Variants in SLC12A1 observed in about 807,000 individuals in gnomAD.
SLC12A1 encodes solute carrier family 12 member 1.
In SLC12A1, 89 loss-of-function variants were observed where a neutral mutation model predicts 130.4. The observed-to-expected ratio is 0.68, with a 90% CI of 0.58 to 0.81. The LOEUF is 0.81. Ranked by LOEUF, SLC12A1 falls within the 40% of genes least tolerant of loss-of-function variation. The pLI is 0.00. For synonymous variants in SLC12A1, 499 were observed against 460.0 expected (o/e 1.08, Z -1.09); for missense variants, 1,310 against 1,336.4 (o/e 0.98, Z 0.31).
chr15:48,227,936 A>C (rs2041313406), intron 5 of SLC12A1: 2 of 152,268 alleles, frequency 1.3e-5, no homozygotes, highest in Admixed American at 1.3e-4. Context: ...ATCTGTATAA[A>C]GGAAATAATG....
chr15:48,220,529 G>T, intron 2 of SLC12A1, 105 bp from the exon 3 acceptor site: 1 of 1,110,946 alleles, frequency 9.0e-7, no homozygotes, highest in Non-Finnish European at 1.2e-6. Flanking sequence ...GGGGTTTTTT[G>T]GTATTTTAAG....
At chr15:48,297,612 C>T (rs1034479964) in intron 24 of SLC12A1, among the ~76,000 whole-genome samples, 2 of 152,178 alleles carry the variant, frequency 1.3e-5, no homozygotes, top group African/African-American at 2.4e-5. Context: ...AATAAGTATA[C>T]GAAGAGCTTA....
intron 4 of SLC12A1, chr15:48,224,591 C>A (rs1338840748): frequency 6.6e-6 from 1 of 152,132 alleles, no homozygotes; most frequent in Non-Finnish European, 1.5e-5. Flanking sequence ...AGCTTGTCAG[C>A]AAAGCTTGTT....
At chr15:48,235,089 C>G (rs951077732) in intron 9 of SLC12A1, 85 bp downstream of exon 9, 1 of 1,318,090 alleles carries the variant, frequency 7.6e-7, no homozygotes, top group African/African-American at 1.4e-5. Context: ...TTAGATGTGA[C>G]CATATTACCC....
chr15:48,268,299 A>G (rs1368749443), intron 18 of SLC12A1, among the ~76,000 whole-genome samples: 1 of 152,128 alleles, frequency 6.6e-6, no homozygotes, highest in African/African-American at 2.4e-5. Context: ...AAGTACATAA[A>G]ATCTTTTCCT....
At chr15:48,239,036 A>G (rs1218591775) in intron 9 of SLC12A1, among the ~76,000 whole-genome samples, 2 of 152,242 alleles carry the variant, frequency 1.3e-5, no homozygotes, top group Non-Finnish European at 2.9e-5. Context: ...ATGTCTAATG[A>G]AAAAAGGTAA....
intron 23 of SLC12A1, among the ~76,000 whole-genome samples, chr15:48,289,149 A>G (rs1190795276): frequency 1.3e-5 from 2 of 151,494 alleles, no homozygotes; most frequent in Non-Finnish European, 2.9e-5. Flanking sequence ...TAATTTAGCC[A>G]TTGAGAGTTG....
intron 15 of SLC12A1, among the ~76,000 whole-genome samples, chr15:48,255,548 C>T (rs2041697640): frequency 6.6e-6 from 1 of 152,226 alleles, no homozygotes; most frequent in African/African-American, 2.4e-5. Context: ...GCCTCTCCCA[C>T]CAAGCAAGAT....
chr15:48,227,236 T>C, intron 5 of SLC12A1: 5 of 1,134,818 alleles, frequency 4.4e-6, no homozygotes, highest in Middle Eastern at 2.0e-4. Context: ...GGAGTTAATT[T>C]ACTATTGGAA....
Position 48,234,925 on chromosome 15 carries a change from G to T in SLC12A1, c.1136G>T (p.Gly379Val). 1.2e-6 allele frequency: 2 copies of T among 1,613,588 alleles called. No individual in the cohort carries two copies. The highest frequency in any genetic ancestry group is 2.2e-5 in the East Asian group (1 of 44,882). ...GGGCCACGCTTCACAAAGGGTGAAG[G>T]CTTCTTCTCTGTCTTTGCCATTTTT... The part of the protein sequence containing the change: ...NFGPRFTKGE[G>V]FFSVFAIFFP... The change falls in exon 9 of 27, where the codon GGC (glycine) becomes GTC (valine). Residue 379 changes from glycine to valine, a missense_variant. Gly to Val is a moderately radical substitution (Grantham distance 109). Transcript: ENST00000380993.
At chr15:48,281,521 T>C (rs2042008046) in intron 20 of SLC12A1, among the ~76,000 whole-genome samples, 1 of 152,190 alleles carries the variant, frequency 6.6e-6, no homozygotes, top group African/African-American at 2.4e-5. Context: ...CAGGCAGCTA[T>C]TGCGATCAAG....
intron 15 of SLC12A1, among the ~76,000 whole-genome samples, chr15:48,253,266 T>C (rs1279000646): frequency 6.6e-6 from 1 of 152,252 alleles, no homozygotes; most frequent in Non-Finnish European, 1.5e-5. Flanking sequence ...GACAAACTCG[T>C]ACAGTGCTGT....
chr15:48,227,317 CA>C (rs2041302984), intron 5 of SLC12A1: 1 of 647,704 alleles, frequency 1.5e-6, no homozygotes, highest in Non-Finnish European at 2.7e-6. Flanking sequence ...AACAGCAAAG[CA>C]AAATTTTTCT....
Position 48,229,348 on chromosome 15 carries a change from T to C in SLC12A1, c.864+20T>C. 3 of 1,573,368 alleles carry C rather than the reference T, an allele frequency of 1.9e-6. No homozygotes were observed. Among genetic ancestry groups the C allele is most frequent in the Non-Finnish European group, 2.6e-6 (3 of 1,157,984 alleles). The stretch of plus-strand genomic sequence containing the variant: ...CTTAAGGTAATTAAAAGCTTTTCTT[T>C]TTTTCTGCCAAGCAGCATAATTTAG... On this transcript the variant is annotated intron_variant, in intron 6 of 26. Transcript: ENST00000380993.
At chr15:48,240,096 T>C (rs1164702903) in intron 9 of SLC12A1, among the ~76,000 whole-genome samples, 2 of 124,680 alleles carry the variant, frequency 1.6e-5, no homozygotes, top group African/African-American at 7.3e-5. Context: ...TATATCCATA[T>C]ATATATATAT....
chr15:48,280,189 G>A (rs377464922), intron 20 of SLC12A1, among the ~76,000 whole-genome samples: 27 of 151,246 alleles, frequency 1.8e-4, no homozygotes, highest in African/African-American at 6.6e-4. Context: ...AAAAAAGACT[G>A]GGGACATAAC....
chr15:48,207,604 C>A lies in SLC12A1; in HGVS notation c.-116C>A. 2 of 765,036 alleles carry A rather than the reference C, an allele frequency of 2.6e-6. No homozygotes were observed. The highest frequency in any genetic ancestry group is 3.9e-6 in the Non-Finnish European group (2 of 507,478). 47.4% of individuals were successfully genotyped at this position (765,036 alleles called of 1,614,324 possible). A position where few individuals can be genotyped will look rare whatever the true frequency, so the allele number is the denominator to read the frequency against. Reference sequence around the variant, plus strand: ...AATCTATTTATTGAATCATCTAGAACAAAAGCCAGGAGCTCCCTAATGGAA... The same window carrying A: ...AATCTATTTATTGAATCATCTAGAAAAAAAGCCAGGAGCTCCCTAATGGAA... On this transcript the variant is annotated 5_prime_UTR_variant, in exon 2 of 27. Coordinates refer to ENST00000380993, the MANE Select transcript of SLC12A1 (RefSeq NM_000338.3).
At chr15:48,248,380 G>A (rs2041607957) in intron 13 of SLC12A1, among the ~76,000 whole-genome samples, 1 of 152,208 alleles carries the variant, frequency 6.6e-6, no homozygotes, top group African/African-American at 2.4e-5. Flanking sequence ...ATGTAATTTA[G>A]CCTCTAAGAT....
rs116848967 is a variant in SLC12A1 at position 48,220,658 on chromosome 15, G to A, written c.445G>A (p.Ala149Thr). 100 of 1,613,542 alleles carry A rather than the reference G, an allele frequency of 6.2e-5. No individual in the cohort carries two copies. In the East Asian group the frequency reaches 2.1e-3, roughly 34 times the overall value. The change falls in exon 3 of 27, where the codon GCT (alanine) becomes ACT (threonine). Residue 149 changes from alanine to threonine, a missense_variant. Coordinates refer to ENST00000380993, the MANE Select transcript of SLC12A1 (RefSeq NM_000338.3). ...AKNVAVTPSS[A>T]DRVANGDGIP... ...GAATGTGGCAGTCACCCCAAGTTCA[G>A]CTGACAGAGTTGCTAACGGTGATGG... is the stretch of plus-strand genomic sequence containing the variant.
Sources: allele counts gnomAD v4.1 joint callset (sites outside exome capture counted in the v4.1 genomes callset), GRCh38; gene constraint gnomAD v4.1.1; transcripts MANE v1.5; gene names NCBI Gene and HGNC (gene_info 2026-07-23, HGNC 2026-07-21).